Variants in PASK observed in about 807,000 individuals in gnomAD.
PASK encodes PAS domain containing serine/threonine kinase.
In PASK, 110 loss-of-function variants were observed where a neutral mutation model predicts 121.0. The ratio of observed to expected loss-of-function variants is 0.91; its 90% CI spans 0.78 to 1.06. PASK has a LOEUF of 1.06. Among genes scored for constraint, PASK ranks in the 50% least tolerant of loss-of-function variants. PASK has a pLI of 0.00. For missense variants in PASK, 1,643 were observed against 1,702.3 expected (o/e 0.97, Z 0.61); for synonymous variants, 686 against 717.8 (o/e 0.96, Z 0.71).
In PASK at chr2:241,140,717, G is replaced by A; in HGVS notation, c.233C>T (p.Ala78Val). 6.2e-7 allele frequency: 1 copy of A among 1,613,812 alleles called. No individual in the cohort carries two copies. Among genetic ancestry groups the A allele is most frequent in the Non-Finnish European group, 8.5e-7 (1 of 1,179,674 alleles). The part of the protein sequence containing the change: ...RWSSYCLSSL[A>V]AQNICTSKLH... The stretch of plus-strand genomic sequence containing the variant: ...TTTACTTGTACAAATATTCTGGGCA[G>A]CCAGTGATGATAGACAATAGGAGCT... The change falls in exon 3 of 18, where the codon GCT becomes GTT. Residue 78 changes from alanine (A) to valine (V), a missense_variant. Transcript: ENST00000234040.
upstream of PASK, chr2:241,150,162 C>T (rs1017507341): frequency 2.4e-6 from 3 of 1,268,530 alleles, no homozygotes; most frequent in Non-Finnish European, 3.0e-6. Flanking sequence ...ACTCTCAAGC[C>T]CAGGGCGTCT....
chr2:241,110,537 G>A (rs1326874338), intron 15 of PASK, among the ~76,000 whole-genome samples: 1 of 152,236 alleles, frequency 6.6e-6, no homozygotes, highest in Admixed American at 6.5e-5. Flanking sequence ...AGGCCAGGAG[G>A]CAGGGCAGAG....
Position 241,106,369 on chromosome 2 carries a change from G to C in PASK, c.*197C>G. On this transcript the variant is annotated 3_prime_UTR_variant, in exon 18 of 18. Coordinates refer to ENST00000234040, the MANE Select transcript of PASK (RefSeq NM_015148.4). ...TGTTTTTTTCTAGGTCATGAAAAAA[G>C]TGAATTCCAAATCTATGTAATAAAT... 1.5e-6 allele frequency: 1 copy of C among 651,166 alleles called. No homozygotes were observed. Among genetic ancestry groups the C allele is most frequent in the South Asian group, 1.8e-5 (1 of 54,524 alleles). 40.3% of individuals were successfully genotyped at this position (651,166 alleles called of 1,614,324 possible). A position where few individuals can be genotyped will look rare whatever the true frequency, so the allele number is the denominator to read the frequency against.
At position 241,115,351 on chromosome 2, in the gene PASK, T is replaced by C; in HGVS notation, c.3135A>G (p.Lys1045=). 6.2e-7 allele frequency: 1 copy of C among 1,613,780 alleles called. No individual in the cohort carries two copies. Among genetic ancestry groups the C allele is most frequent in the Non-Finnish European group, 8.5e-7 (1 of 1,179,754 alleles). The part of the protein sequence containing the change: ...VLEDCWIEDP[K]LGKVTLEIAI... ...CGATCTCTAAAGTAACTTTCCCAAG[T>C]TTGGGATCCTCAATCCAACAATCCT... Residue 1045 remains lysine (K), a synonymous_variant, in exon 13 of 18, where the codon AAA becomes AAG. Coordinates refer to ENST00000234040, the MANE Select transcript of PASK (RefSeq NM_015148.4).
At chr2:241,140,194 GC>G in intron 3 of PASK, 139 bp from the exon 4 acceptor site, 1 of 731,802 alleles carries the variant, frequency 1.4e-6, no homozygotes, top group East Asian at 3.3e-5. Flanking sequence ...AGGCTGGAGT[GC>G]AGTGGCGCAA....
chr2:241,129,939 G>T (rs1400882687), intron 9 of PASK, among the ~76,000 whole-genome samples: 2 of 152,228 alleles, frequency 1.3e-5, no homozygotes, highest in African/African-American at 4.8e-5. Flanking sequence ...AGGACCTGAT[G>T]CCCAGTGTAA....
At position 241,108,322 on chromosome 2, in the gene PASK, A is replaced by C; in HGVS notation, c.3534-22T>G. ...GTAGCTGTGAGGAGGAGGAGGCATCAGGACGCCACGGCACTCAGCGCAGGC... is the reference window on the plus strand; with the variant it reads ...GTAGCTGTGAGGAGGAGGAGGCATCCGGACGCCACGGCACTCAGCGCAGGC... On this transcript the variant is annotated intron_variant, in intron 15 of 17. Coordinates refer to ENST00000234040, the MANE Select transcript of PASK (RefSeq NM_015148.4). This position sits in a 1 kb window ranked among gnomAD's most constrained non-coding sequence, Gnocchi z 5.2. 2 of 1,613,624 alleles carry C rather than the reference A, an allele frequency of 1.2e-6. No homozygotes were observed. The highest frequency in any genetic ancestry group is 8.5e-7 in the Non-Finnish European group (1 of 1,179,860).
In PASK at chr2:241,108,507, G is replaced by A. The variant is rs1191631090; in HGVS notation, c.3534-207C>T. 13 of 635,100 alleles carry A rather than the reference G, an allele frequency of 2.0e-5. No individual in the cohort carries two copies. Among genetic ancestry groups the A allele is most frequent in the East Asian group, 8.4e-5 (3 of 35,898 alleles). The allele number at this position is 635,100 out of a possible 1,614,324, so 39.3% of individuals were successfully genotyped here. A position where few individuals can be genotyped will look rare whatever the true frequency, so the allele number is the denominator to read the frequency against. ...GCCAGCAGGCCATGTGCCAGGAGTG[G>A]AGAGGCCATCGGGCAGCTCCGAGGC... is the stretch of plus-strand genomic sequence containing the variant. On this transcript the variant is annotated intron_variant, in intron 15 of 17. Transcript: ENST00000234040. This position sits in a 1 kb window ranked among gnomAD's most constrained non-coding sequence, Gnocchi z 5.2.
chr2:241,119,626 C>T (rs962150776), intron 12 of PASK, among the ~76,000 whole-genome samples: 9 of 152,118 alleles, frequency 5.9e-5, no homozygotes, highest in Non-Finnish European at 7.4e-5. Flanking sequence ...CCCGCCACCA[C>T]GCCCGGCTAA....
intron 4 of PASK, 178 bp downstream of exon 4, chr2:241,139,707 C>G (rs1324058220): frequency 1.4e-6 from 1 of 718,736 alleles, no homozygotes; most frequent in African/African-American, 1.7e-5. Flanking sequence ...GGGCCCCCAC[C>G]CCCACTGCAG....
At chr2:241,148,020 C>G (rs1324913242) in intron 1 of PASK, among the ~76,000 whole-genome samples, 3 of 152,196 alleles carry the variant, frequency 2.0e-5, no homozygotes, top group Non-Finnish European at 4.4e-5. Flanking sequence ...CAAGAAAGAA[C>G]AGAGTCTGGC....
chr2:241,122,910 G>C lies in PASK; in HGVS notation c.2905-11C>G. On this transcript the variant is annotated splice_polypyrimidine_tract_variant and intron_variant, in intron 11 of 17. Transcript: ENST00000234040. ...TCTGGCTCTGAGCACCTGCAATGCA[G>C]AAGAAGGTCTGTGGGGTCACATGCA... The C allele has an allele frequency of 6.2e-7, 1 of 1,613,348 alleles. No individual in the cohort carries two copies. The highest frequency in any genetic ancestry group is 8.5e-7 in the Non-Finnish European group (1 of 1,179,472).
In PASK at chr2:241,127,106, C is replaced by G. The variant is rs1218317297; in HGVS notation, c.1809G>C (p.Gly603=). 6.2e-7 allele frequency: 1 copy of G among 1,614,060 alleles called. No individual in the cohort carries two copies. The highest frequency in any genetic ancestry group is 8.5e-7 in the Non-Finnish European group (1 of 1,180,018). The part of the protein sequence containing the change: ...AKPQAKGQLA[G]GSLLMHCPCY... ...AAGGGCAGTGCATCAGGAGGCTGCCCCCCGCCAGCTGACCCTTGGCCTGGG... is the reference window on the plus strand; with the variant it reads ...AAGGGCAGTGCATCAGGAGGCTGCCGCCCGCCAGCTGACCCTTGGCCTGGG... Residue 603 remains glycine, a synonymous_variant, in exon 10 of 18, where the codon GGG becomes GGC. Coordinates refer to ENST00000234040, the MANE Select transcript of PASK (RefSeq NM_015148.4).
At chr2:241,119,600 G>C (rs1298156575) in intron 12 of PASK, among the ~76,000 whole-genome samples, 1 of 151,826 alleles carries the variant, frequency 6.6e-6, no homozygotes, top group Non-Finnish European at 1.5e-5. Context: ...CTCCTGAGTA[G>C]CTGGAACTAC....
At chr2:241,125,619 A>G (rs1012485646) in intron 10 of PASK, among the ~76,000 whole-genome samples, 1 of 151,784 alleles carries the variant, frequency 6.6e-6, no homozygotes, top group African/African-American at 2.4e-5. Context: ...GAAAAAAAAA[A>G]AAAAAAGAAA....
intron 12 of PASK, among the ~76,000 whole-genome samples, chr2:241,116,259 C>T (rs898464708): frequency 1.3e-5 from 2 of 152,226 alleles, no homozygotes; most frequent in African/African-American, 4.8e-5. Flanking sequence ...CTAAGTCCCA[C>T]GGACATGAAA....
intron 6 of PASK, among the ~76,000 whole-genome samples, chr2:241,137,476 G>T (rs1243113296): frequency 6.6e-6 from 1 of 152,132 alleles, no homozygotes; most frequent in Non-Finnish European, 1.5e-5. Flanking sequence ...AGTGTCCAGA[G>T]CCGCCCCAGG....
intron 9 of PASK, among the ~76,000 whole-genome samples, chr2:241,132,310 G>T (rs141585799): frequency 0.011 from 1,701 of 151,632 alleles, 25 homozygotes; most frequent in African/African-American, 0.039. Context: ...GGATAACAAA[G>T]TCAGGAAATC....
Position 241,108,342 on chromosome 2 carries a change from G to A in PASK, c.3534-42C>T, listed in dbSNP as rs200078124. ...GCATCAGGACGCCACGGCACTCAGC[G>A]CAGGCTTGCCAAGCCCGCCCATGGG... On this transcript the variant is annotated intron_variant, in intron 15 of 17. Transcript: ENST00000234040. This position sits in a 1 kb window ranked among gnomAD's most constrained non-coding sequence, Gnocchi z 5.2. 100 of 1,610,196 alleles carry A rather than the reference G, an allele frequency of 6.2e-5. No homozygotes were observed. The highest frequency in any genetic ancestry group is 1.7e-4 in the Middle Eastern group (1 of 5,988).
Sources: gnomAD v4.1 joint callset for allele counts (sites outside exome capture counted in the v4.1 genomes callset) on GRCh38, gnomAD v4.1.1 for gene constraint, Gnocchi (gnomAD v3.1) non-coding constraint, MANE v1.5 for transcripts, NCBI Gene and HGNC (gene_info 2026-07-23, HGNC 2026-07-21) for gene names.